Variants in LIPC observed in about 807,000 individuals in gnomAD.
The protein encoded by LIPC is hepatic triacylglycerol lipase.
In LIPC, 44 loss-of-function variants were observed where a neutral mutation model predicts 50.7. That is an observed-to-expected ratio of 0.87 (90% CI 0.68 to 1.11). The LOEUF is 1.11. Among genes scored for constraint, LIPC ranks in the 50% most tolerant of loss-of-function variants. The pLI, the probability that LIPC is intolerant of heterozygous loss-of-function variation, is 0.00. For synonymous variants in LIPC, 271 were observed against 256.4 expected, an observed-to-expected ratio of 1.06 and a Z score of -0.54; for missense variants, 697 against 648.2, an observed-to-expected ratio of 1.08 and a Z score of -0.82.
chr15:58,545,004 G>A (rs775470577), intron 4 of LIPC, among the ~76,000 whole-genome samples: 10 of 152,124 alleles, frequency 6.6e-5, no homozygotes, highest in Admixed American at 1.3e-4. Flanking sequence ...AATGTCCCGC[G>A]GCTGTTCTGG....
chr15:58,448,366 C>G (rs1893776494), intron 1 of LIPC, among the ~76,000 whole-genome samples: 1 of 152,248 alleles, frequency 6.6e-6, no homozygotes, highest in African/African-American at 2.4e-5. Flanking sequence ...CTTCTTAGCT[C>G]AGGACTGGGG....
intron 1 of LIPC, among the ~76,000 whole-genome samples, chr15:58,433,413 T>C (rs1035785756): frequency 6.6e-6 from 1 of 152,232 alleles, no homozygotes; most frequent in Non-Finnish European, 1.5e-5. Flanking sequence ...CCTTAACATA[T>C]ATGATTTTTT....
chr15:58,472,653 A>T (rs1464665445), intron 1 of LIPC, among the ~76,000 whole-genome samples: 1 of 152,024 alleles, frequency 6.6e-6, no homozygotes, highest in African/African-American at 2.4e-5. Context: ...AGATATAATT[A>T]TATTTAAAGA....
At chr15:58,493,940 C>A (rs1891680332) in intron 1 of LIPC, among the ~76,000 whole-genome samples, 1 of 152,044 alleles carries the variant, frequency 6.6e-6, no homozygotes, top group African/African-American at 2.4e-5. Flanking sequence ...CTAGAACAAC[C>A]CCAGGTAGGA....
At chr15:58,464,210 C>T (rs1239640462) in intron 1 of LIPC, among the ~76,000 whole-genome samples, 2 of 152,184 alleles carry the variant, frequency 1.3e-5, no homozygotes, top group Non-Finnish European at 2.9e-5. Context: ...TTTGTGGTGA[C>T]TTTATTGGCT....
At chr15:58,474,715 A>C (rs534780485) in intron 1 of LIPC, among the ~76,000 whole-genome samples, 68 of 152,228 alleles carry the variant, frequency 4.5e-4, no homozygotes, top group African/African-American at 1.5e-3. Flanking sequence ...ACAACCTTCG[A>C]GGTCGTTCCC....
At chr15:58,506,030 G>A (rs1202250633) in intron 1 of LIPC, among the ~76,000 whole-genome samples, 2 of 152,098 alleles carry the variant, frequency 1.3e-5, no homozygotes, top group South Asian at 2.1e-4. Flanking sequence ...CCAACTTGGA[G>A]GAACTTCCAT....
chr15:58,472,273 A>AAG (rs1890836942), intron 1 of LIPC, among the ~76,000 whole-genome samples: 2 of 69,972 alleles, frequency 2.9e-5, no homozygotes, highest in African/African-American at 6.5e-5. Context: ...TTGGTCTCAA[A>AAG]AAAAAAAAAA....
chr15:58,541,743 A>G (rs1893332421), intron 2 of LIPC, 42 bp from the exon 3 acceptor site: 1 of 1,592,436 alleles, frequency 6.3e-7, no homozygotes, highest in Admixed American at 1.7e-5. Flanking sequence ...GTGAGCGGGG[A>G]GAAAGGAAAC....
rs1893834171 is a variant in LIPC, at chr15:58,449,682, A to G, written c.88+17562A>G. On this transcript the variant is annotated intron_variant, in intron 1 of 8. Transcript: ENST00000299022. Reference sequence around the variant, plus strand: ...AGCCTCCCAAGTAGATGGGATTACAAGCTTGCGCCACCGCACCCTGCTAAT... The same window carrying G: ...AGCCTCCCAAGTAGATGGGATTACAGGCTTGCGCCACCGCACCCTGCTAAT... Among the ~76,000 whole-genome samples the G allele has an allele frequency of 2.6e-5, 4 of 151,836 alleles. No homozygotes were observed. In the South Asian group the frequency reaches 6.2e-4, roughly 24 times the overall value.
intron 1 of LIPC, among the ~76,000 whole-genome samples, chr15:58,463,487 C>A (rs914721070): frequency 2.2e-4 from 34 of 152,212 alleles, no homozygotes; most frequent in Non-Finnish European, 7.3e-5. Context: ...CAGGCTGACT[C>A]AACTTCCCGC....
chr15:58,453,434 A>T (rs1463280685), intron 1 of LIPC, among the ~76,000 whole-genome samples: 2 of 152,158 alleles, frequency 1.3e-5, no homozygotes, highest in African/African-American at 4.8e-5. Flanking sequence ...CTAGAGACTA[A>T]CAATGGGAAG....
chr15:58,566,852 C>A (rs1282699511), intron 8 of LIPC, among the ~76,000 whole-genome samples: 1 of 152,132 alleles, frequency 6.6e-6, no homozygotes, highest in Non-Finnish European at 1.5e-5. Flanking sequence ...AATTCAAAAA[C>A]GGACAACACC....
At chr15:58,546,367 G>A (rs1002555605) in intron 5 of LIPC, among the ~76,000 whole-genome samples, 2 of 152,148 alleles carry the variant, frequency 1.3e-5, no homozygotes, top group Admixed American at 6.5e-5. Flanking sequence ...CCTCTATTCT[G>A]AACCACATGA....
At chr15:58,536,298 G>A (rs1893118192) in intron 1 of LIPC, among the ~76,000 whole-genome samples, 1 of 152,278 alleles carries the variant, frequency 6.6e-6, no homozygotes, top group Non-Finnish European at 1.5e-5. Flanking sequence ...AGAACGAAAA[G>A]AGAGGAGGAG....
chr15:58,568,024 A>C (rs1423797535), intron 8 of LIPC, among the ~76,000 whole-genome samples: 1 of 152,234 alleles, frequency 6.6e-6, no homozygotes, highest in South Asian at 2.1e-4. Context: ...TCAAAGAAAA[A>C]AGAAGTAATA....
At chr15:58,559,715 A>AAAAAAC (rs1894091181) in intron 6 of LIPC, among the ~76,000 whole-genome samples, 2 of 145,074 alleles carry the variant, frequency 1.4e-5, no homozygotes, top group South Asian at 2.1e-4. Flanking sequence ...AAAAAAAAAA[A>AAAAAAC]AAAAAAAAAA....
intron 1 of LIPC, among the ~76,000 whole-genome samples, chr15:58,465,168 C>G (rs34744603): frequency 0.11 from 17,423 of 152,194 alleles, 1,208 homozygotes; most frequent in Non-Finnish European, 0.17. Flanking sequence ...AAAGAAGATT[C>G]TGTGTCAAGT....
intron 1 of LIPC, among the ~76,000 whole-genome samples, chr15:58,472,270 C>G (rs1340364039): frequency 1.4e-4 from 12 of 87,652 alleles, no homozygotes; most frequent in Non-Finnish European, 2.3e-4. Context: ...CATTTGGTCT[C>G]AAAAAAAAAA....
Sources: gnomAD v4.1 joint callset for allele counts (sites outside exome capture counted in the v4.1 genomes callset) on GRCh38, gnomAD v4.1.1 for gene constraint, MANE v1.5 for transcripts, NCBI Gene and HGNC (gene_info 2026-07-23, HGNC 2026-07-21) for gene names.